The following SYT2 variants were observed in gnomAD, a reference collection of about 807,000 sequenced individuals.
The protein encoded by SYT2 is synaptotagmin 2.
A neutral mutation model predicts 39.9 loss-of-function variants in SYT2; 15 were observed. That is an observed-to-expected ratio of 0.38 (90% CI 0.25 to 0.58). SYT2 has a LOEUF of 0.58. Ranked by LOEUF, SYT2 falls within the 20% of genes least tolerant of loss-of-function variation. The probability of loss-of-function intolerance (pLI) is 0.70; values close to 1 mark genes in which losing one functional copy is unlikely to be tolerated. For missense variants in SYT2, 389 were observed against 530.3 expected (o/e 0.73, Z 2.62); for synonymous variants, 181 against 204.5 (o/e 0.89, Z 0.98).
chr1:202,692,791 G>A (rs146987747), intron 1 of SYT2, among the ~76,000 whole-genome samples: 154 of 152,308 alleles, frequency 1.0e-3, no homozygotes, highest in African/African-American at 3.6e-3. Context: ...TGGGGGCAGT[G>A]GCTCACACCT....
intron 1 of SYT2, among the ~76,000 whole-genome samples, chr1:202,626,557 G>A (rs184055173): frequency 6.6e-6 from 1 of 151,760 alleles, no homozygotes; most frequent in Admixed American, 6.6e-5. Flanking sequence ...TGTAGAGAAG[G>A]GGTCTCACTA....
chr1:202,656,472 T>A (rs1361939908), intron 1 of SYT2, among the ~76,000 whole-genome samples: 1 of 152,182 alleles, frequency 6.6e-6, no homozygotes, highest in Non-Finnish European at 1.5e-5. Context: ...GACCAAGGGA[T>A]CAGGAGCCAG....
intron 1 of SYT2, among the ~76,000 whole-genome samples, chr1:202,618,058 C>T (rs1409237372): frequency 3.3e-5 from 5 of 152,148 alleles, no homozygotes; most frequent in East Asian, 1.9e-4. Context: ...GCCCACCACA[C>T]GCCTGGCTAA....
At chr1:202,618,960 A>G (rs1038376440) in intron 1 of SYT2, among the ~76,000 whole-genome samples, 14 of 152,196 alleles carry the variant, frequency 9.2e-5, no homozygotes, top group Non-Finnish European at 1.8e-4. Context: ...GGAGGCCTGG[A>G]GAAGTGAAGC....
At chr1:202,696,125 T>C (rs1018027767) in intron 1 of SYT2, among the ~76,000 whole-genome samples, 2 of 152,188 alleles carry the variant, frequency 1.3e-5, no homozygotes, top group African/African-American at 2.4e-5. Context: ...TTACAAAGGA[T>C]GGAACACAGA....
At chr1:202,680,610 C>T (rs769245354) in intron 1 of SYT2, among the ~76,000 whole-genome samples, 1 of 152,130 alleles carries the variant, frequency 6.6e-6, no homozygotes, top group African/African-American at 2.4e-5. Context: ...TGAGAAGGTG[C>T]CCAAGGGGAG....
intron 1 of SYT2, among the ~76,000 whole-genome samples, chr1:202,625,936 G>A (rs1691391787): frequency 6.6e-6 from 1 of 152,190 alleles, no homozygotes; most frequent in Admixed American, 6.5e-5. Flanking sequence ...CAGAAAGGCT[G>A]TGTATGTGTA....
chr1:202,693,137 A>C (rs1281409819), intron 1 of SYT2, among the ~76,000 whole-genome samples: 2 of 152,174 alleles, frequency 1.3e-5, no homozygotes, highest in Non-Finnish European at 1.5e-5. Flanking sequence ...AGAGGAGGGC[A>C]GCACTGAGCT....
intron 1 of SYT2, among the ~76,000 whole-genome samples, chr1:202,666,805 A>G (rs1692488705): frequency 6.6e-6 from 1 of 152,226 alleles, no homozygotes; most frequent in Non-Finnish European, 1.5e-5. Flanking sequence ...AGCATGGCAA[A>G]ACCCCGTCTC....
At chr1:202,638,798 T>C (rs1018718447) in intron 1 of SYT2, among the ~76,000 whole-genome samples, 1 of 152,182 alleles carries the variant, frequency 6.6e-6, no homozygotes, top group Non-Finnish European at 1.5e-5. Flanking sequence ...TTATTCCCCG[T>C]CCTTTGCCCC....
At position 202,691,945 on chromosome 1, in the gene SYT2, C is replaced by T. The variant is rs555041137; in HGVS notation, c.-18+18313G>A. Among the ~76,000 whole-genome samples, 6 of 152,066 alleles carry T rather than the reference C, an allele frequency of 3.9e-5. No individual in the cohort carries two copies. The South Asian group carries it at 8.3e-4, about 21-fold the overall frequency. Reference sequence around the variant, plus strand: ...TACAGGCATACAAGGACACAGCTACCGTCTGGCACTCTATTCTCTCTCCCA... The same window carrying T: ...TACAGGCATACAAGGACACAGCTACTGTCTGGCACTCTATTCTCTCTCCCA... On this transcript the variant is annotated intron_variant, in intron 1 of 8. Coordinates refer to ENST00000367268, the MANE Select transcript of SYT2 (RefSeq NM_177402.5).
At chr1:202,687,973 C>A (rs529616387) in intron 1 of SYT2, among the ~76,000 whole-genome samples, 2 of 152,156 alleles carry the variant, frequency 1.3e-5, no homozygotes, top group African/African-American at 4.8e-5. Context: ...GACACATTAA[C>A]GGGATGGAGG....
chr1:202,604,401 A>G lies in SYT2; in HGVS notation c.345+54T>C, dbSNP rs2149070845. On this transcript the variant is annotated intron_variant, in intron 3 of 8. Transcript: ENST00000367268. ...AGCCTTTGCTTCCCCTTTCAGCATC[A>G]GGAAAGCCTGGGCTGAGCCCCTTCC... 9 of 1,571,568 alleles carry G rather than the reference A, an allele frequency of 5.7e-6. 1 individual carries two copies. In the South Asian group the frequency reaches 8.0e-5, roughly 14 times the overall value.
intron 8 of SYT2, among the ~76,000 whole-genome samples, chr1:202,597,225 G>A (rs939894064): frequency 1.2e-4 from 18 of 152,272 alleles, no homozygotes; most frequent in Non-Finnish European, 1.9e-4. Context: ...GGGAGAAGAG[G>A]GAAGGAAAAG....
intron 1 of SYT2, among the ~76,000 whole-genome samples, chr1:202,635,310 T>C (rs1399740526): frequency 2.0e-5 from 3 of 152,132 alleles, no homozygotes; most frequent in Admixed American, 6.5e-5. Flanking sequence ...CCTGTCCCAA[T>C]GAGGCCACTC....
intron 1 of SYT2, among the ~76,000 whole-genome samples, chr1:202,649,774 G>A (rs1692158090): frequency 6.6e-6 from 1 of 152,196 alleles, no homozygotes; most frequent in South Asian, 2.1e-4. Context: ...TTTCACAGCT[G>A]GGAAAACTGA....
At chr1:202,656,652 A>G (rs111246603) in intron 1 of SYT2, among the ~76,000 whole-genome samples, 1,608 of 152,364 alleles carry the variant, frequency 0.011, 26 homozygotes, top group African/African-American at 0.035. Flanking sequence ...TAACTTTGAC[A>G]TACCACACAT....
intron 1 of SYT2, among the ~76,000 whole-genome samples, chr1:202,705,851 C>T (rs1035311562): frequency 2.0e-5 from 3 of 151,918 alleles, no homozygotes; most frequent in Non-Finnish European, 4.4e-5. Flanking sequence ...TGCCACCATG[C>T]CCAGCTAATT....
chr1:202,603,868 TC>T (rs1690608923), intron 3 of SYT2, among the ~76,000 whole-genome samples: 2 of 152,116 alleles, frequency 1.3e-5, no homozygotes, highest in Non-Finnish European at 2.9e-5. Context: ...AGCAAGAGAT[TC>T]CTCCTAGTCA....
Sources: allele counts gnomAD v4.1 joint callset (sites outside exome capture counted in the v4.1 genomes callset), GRCh38; gene constraint gnomAD v4.1.1; transcripts MANE v1.5; gene names NCBI Gene and HGNC (gene_info 2026-07-23, HGNC 2026-07-21).